Variants in PLEKHA5 observed in about 807,000 individuals in gnomAD.
PLEKHA5 encodes the protein pleckstrin homology domain-containing family A member 5.
A neutral mutation model predicts 181.9 loss-of-function variants in PLEKHA5; 55 were observed. The ratio of observed to expected loss-of-function variants is 0.30; its 90% confidence interval spans 0.24 to 0.38. PLEKHA5 has a LOEUF of 0.38. Among genes scored for constraint, PLEKHA5 ranks in the 10% least tolerant of loss-of-function variants. PLEKHA5 has a pLI of 1.00. For missense variants in PLEKHA5, 1,432 were observed against 1,549.5 expected (o/e 0.92, Z 1.27); for synonymous variants, 535 against 529.4 (o/e 1.01, Z -0.15).
intron 3 of PLEKHA5, among the ~76,000 whole-genome samples, chr12:19,165,174 A>T (rs979458423): frequency 2.0e-5 from 3 of 152,182 alleles, no homozygotes; most frequent in African/African-American, 7.2e-5. Context: ...TCTTTTCTTG[A>T]TGGGGTGGAG....
intron 3 of PLEKHA5, among the ~76,000 whole-genome samples, chr12:19,133,418 T>TG (rs143864718): frequency 0.056 from 8,578 of 152,048 alleles, 311 homozygotes; most frequent in Non-Finnish European, 0.088. Context: ...TAACCTTATT[T>TG]GTTCTTTAAT....
chr12:19,211,706 G>T (rs545680600), intron 3 of PLEKHA5, among the ~76,000 whole-genome samples: 30 of 152,114 alleles, frequency 2.0e-4, no homozygotes, highest in Non-Finnish European at 4.1e-4. Context: ...TGCAATTCTA[G>T]AATCAGATGA....
chr12:19,329,961 G>A (rs1220720574), intron 20 of PLEKHA5, among the ~76,000 whole-genome samples: 1 of 151,460 alleles, frequency 6.6e-6, no homozygotes, highest in African/African-American at 2.4e-5. Context: ...GCAGTGGCGT[G>A]TGCCTGGAGT....
rs200374381 is a variant in PLEKHA5, at chr12:19,212,837, T to TG, written c.228-41103_228-41102insG. Among the ~76,000 whole-genome samples, 5 of 3,984 alleles carry TG rather than the reference T, an allele frequency of 1.3e-3. 1 individual carries two copies. The highest frequency in any genetic ancestry group is 3.7e-3 in the Non-Finnish European group (1 of 268). The allele number at this position is 3,984 out of a possible 152,430, so 2.6% of individuals were successfully genotyped here. A position where few individuals can be genotyped will look rare whatever the true frequency, so the allele number is the denominator to read the frequency against. ...ATGAGAGTGGGTTTTTTTTTGTTGT[T>TG]TTTTTTTTTTTTTTAATTTCAGGCT... On this transcript the variant is annotated intron_variant, in intron 3 of 31. Transcript: ENST00000429027.
intron 3 of PLEKHA5, among the ~76,000 whole-genome samples, chr12:19,180,141 G>C (rs1481446714): frequency 6.6e-6 from 1 of 152,154 alleles, no homozygotes; most frequent in African/African-American, 2.4e-5. Flanking sequence ...ATTTTTTAGA[G>C]CACGGAAATG....
chr12:19,228,063 T>G (rs1407992817), intron 3 of PLEKHA5, among the ~76,000 whole-genome samples: 1 of 152,224 alleles, frequency 6.6e-6, no homozygotes, highest in Admixed American at 6.5e-5. Flanking sequence ...GTATAAGCCC[T>G]GCATCACAGT....
At chr12:19,326,030 A>T (rs953469254) in intron 20 of PLEKHA5, among the ~76,000 whole-genome samples, 5 of 151,896 alleles carry the variant, frequency 3.3e-5, no homozygotes, top group African/African-American at 9.7e-5. Context: ...TAAATAAAAT[A>T]AAATAAAATA....
intron 7 of PLEKHA5, among the ~76,000 whole-genome samples, chr12:19,265,293 T>C (rs1280528004): frequency 1.3e-5 from 2 of 152,146 alleles, no homozygotes; most frequent in African/African-American, 4.8e-5. Context: ...GCCGGAGGTA[T>C]TGAGAGTAGG....
chr12:19,145,693 C>A (rs2038755637), intron 3 of PLEKHA5, among the ~76,000 whole-genome samples: 1 of 151,942 alleles, frequency 6.6e-6, no homozygotes. Flanking sequence ...CGCCCCCTGC[C>A]CAATTGCTAG....
chr12:19,292,665 G>A (rs937367030), intron 15 of PLEKHA5, among the ~76,000 whole-genome samples: 2 of 152,180 alleles, frequency 1.3e-5, no homozygotes, highest in Admixed American at 1.3e-4. Flanking sequence ...TGGGCCGGGT[G>A]TGGTGGCTCC....
rs774343076 is a variant in PLEKHA5 at position 19,359,505 on chromosome 12, C to T, written c.3442C>T (p.Leu1148=). The change falls in exon 28 of 32, where the codon CTA becomes TTA. Residue 1148 remains leucine (L), a synonymous_variant. Transcript: ENST00000429027. ...HETPATEIVQ[L]KETEPQNVDF... is the part of the protein sequence containing the mutation. ...AACTCCTGCAACAGAAATTGTTCAA[C>T]TAAAAGAAACCGAACCCCAAAATGT... 8 of 1,613,860 alleles carry T rather than the reference C, an allele frequency of 5.0e-6. No individual in the cohort carries two copies. In the East Asian group the frequency reaches 1.6e-4, roughly 31 times the overall value.
chr12:19,261,113 G>C, intron 7 of PLEKHA5, 92 bp downstream of exon 7: 2 of 624,458 alleles, frequency 3.2e-6, no homozygotes, highest in South Asian at 5.7e-5. Flanking sequence ...TTGTAACTCT[G>C]TGTGCTATTT....
intron 20 of PLEKHA5, among the ~76,000 whole-genome samples, chr12:19,325,496 T>A (rs985746172): frequency 6.6e-6 from 1 of 151,086 alleles, no homozygotes; most frequent in African/African-American, 2.4e-5. Flanking sequence ...GAGACCAGAC[T>A]GGCTGACACG....
intron 9 of PLEKHA5, 52 bp from the exon 10 acceptor site, chr12:19,270,135 TG>T: frequency 8.6e-7 from 1 of 1,158,202 alleles, no homozygotes; most frequent in Non-Finnish European, 1.2e-6. Context: ...ATCGGTGTAC[TG>T]GGGTGAATCC....
intron 3 of PLEKHA5, among the ~76,000 whole-genome samples, chr12:19,230,477 G>A (rs574817814): frequency 3.3e-5 from 5 of 152,314 alleles, no homozygotes; most frequent in East Asian, 1.9e-4. Context: ...CGGGCATGGC[G>A]GGCTGCAGGT....
chr12:19,327,644 C>CT (rs1038779087), intron 20 of PLEKHA5, among the ~76,000 whole-genome samples: 515 of 41,612 alleles, frequency 0.012, no homozygotes, highest in African/African-American at 0.021. Flanking sequence ...TTTCTTTTTT[C>CT]TTTTTTTTTT....
intron 30 of PLEKHA5, among the ~76,000 whole-genome samples, chr12:19,369,198 C>T (rs745914392): frequency 1.3e-5 from 2 of 151,788 alleles, no homozygotes; most frequent in Non-Finnish European, 2.9e-5. Context: ...CCATGTCTGA[C>T]TAATTTTTGT....
chr12:19,258,979 A>T (rs1406149797), intron 6 of PLEKHA5, among the ~76,000 whole-genome samples: 2 of 152,162 alleles, frequency 1.3e-5, no homozygotes, highest in African/African-American at 4.8e-5. Flanking sequence ...GGCATTCCTT[A>T]TTTAAAATAG....
At chr12:19,191,958 G>A (rs2051240992) in intron 3 of PLEKHA5, among the ~76,000 whole-genome samples, 1 of 152,062 alleles carries the variant, frequency 6.6e-6, no homozygotes, top group Non-Finnish European at 1.5e-5. Context: ...TATTTTATTG[G>A]TGAAAAAGGC....
Sources: allele counts gnomAD v4.1 joint callset (sites outside exome capture counted in the v4.1 genomes callset), GRCh38; gene constraint gnomAD v4.1.1; transcripts MANE v1.5; gene names NCBI Gene and HGNC (gene_info 2026-07-23, HGNC 2026-07-21).